Variants in MRPS28 observed in about 807,000 individuals in gnomAD.
MRPS28 encodes mitochondrial ribosomal protein S28.
A neutral mutation model predicts 10.8 loss-of-function variants in MRPS28; 7 were observed. The ratio of observed to expected loss-of-function variants is 0.65; its 90% CI spans 0.37 to 1.22. The LOEUF is 1.22. Among genes scored for constraint, MRPS28 ranks in the 50% most tolerant of loss-of-function variants. MRPS28 has a pLI of 0.02. For synonymous variants in MRPS28, 121 were observed against 93.3 expected (o/e 1.30, Z -1.71); for missense variants, 265 against 232.9 (o/e 1.14, Z -0.90).
At chr8:79,977,031 C>G (rs920258440) in intron 2 of MRPS28, among the ~76,000 whole-genome samples, 3 of 151,832 alleles carry the variant, frequency 2.0e-5, no homozygotes, top group African/African-American at 7.3e-5. Flanking sequence ...AACAGGAATG[C>G]CTGAAGAAAT....
chr8:79,974,412 C>T (rs1416619746), intron 2 of MRPS28, among the ~76,000 whole-genome samples: 2 of 151,622 alleles, frequency 1.3e-5, no homozygotes, highest in Admixed American at 6.6e-5. Context: ...TGGTGGTGGG[C>T]GCCTGTAGTC....
chr8:79,980,048 A>G (rs888059991), intron 2 of MRPS28, among the ~76,000 whole-genome samples: 1 of 151,816 alleles, frequency 6.6e-6, no homozygotes. Context: ...CACCTTCCTC[A>G]TCTATTAAAT....
At chr8:79,997,609 TG>T (rs1276243667) in intron 2 of MRPS28, among the ~76,000 whole-genome samples, 47 of 150,336 alleles carry the variant, frequency 3.1e-4, no homozygotes, top group Non-Finnish European at 1.5e-4. Flanking sequence ...GCAGCAGAGA[TG>T]GGGGAAAAAA....
intron 2 of MRPS28, chr8:79,957,218 G>A (rs868438752): frequency 6.6e-6 from 1 of 151,806 alleles, no homozygotes; most frequent in East Asian, 1.9e-4. Context: ...ATAATATCTT[G>A]GGGTAGAACA....
chr8:79,987,199 G>T (rs1808210949), intron 2 of MRPS28, among the ~76,000 whole-genome samples: 1 of 152,152 alleles, frequency 6.6e-6, no homozygotes, highest in African/African-American at 2.4e-5. Context: ...TTAATAAATG[G>T]TGTTGGGAAA....
At chr8:79,937,072 C>T (rs912273058) in intron 2 of MRPS28, among the ~76,000 whole-genome samples, 12 of 151,944 alleles carry the variant, frequency 7.9e-5, no homozygotes, top group Non-Finnish European at 2.9e-5. Context: ...TGTTGGCCAG[C>T]CTGGTCTCAA....
At chr8:79,924,888 A>C (rs921508246) in intron 2 of MRPS28, among the ~76,000 whole-genome samples, 7 of 152,174 alleles carry the variant, frequency 4.6e-5, no homozygotes, top group Non-Finnish European at 1.0e-4. Context: ...AGATGATCAT[A>C]AGCAGGTAAC....
intron 2 of MRPS28, among the ~76,000 whole-genome samples, chr8:79,963,291 CCTA>C (rs1394711687): frequency 6.6e-6 from 1 of 151,990 alleles, no homozygotes. Context: ...GTCTTCTTAG[CCTA>C]CTATGTATTT....
intron 2 of MRPS28, among the ~76,000 whole-genome samples, chr8:79,996,416 G>T (rs945531255): frequency 2.0e-5 from 3 of 152,194 alleles, no homozygotes; most frequent in South Asian, 2.1e-4. Flanking sequence ...CACCATAAAT[G>T]AGGGTATCTT....
intron 2 of MRPS28, among the ~76,000 whole-genome samples, chr8:79,957,546 CAAAA>C (rs35772888): frequency 1.2e-5 from 1 of 85,000 alleles, no homozygotes; most frequent in South Asian, 4.0e-4. Flanking sequence ...CTTGTCTCTA[CAAAA>C]AAAAAAAAAA....
At chr8:79,931,801 G>A (rs1285077043) in intron 2 of MRPS28, among the ~76,000 whole-genome samples, 1 of 152,206 alleles carries the variant, frequency 6.6e-6, no homozygotes, top group Admixed American at 6.5e-5. Flanking sequence ...GTTGGGAGTA[G>A]ACAATAGTTG....
At position 79,995,965 on chromosome 8, in the gene MRPS28, G is replaced by A. The variant is rs75049373; in HGVS notation, c.395+7034C>T. Among the ~76,000 whole-genome samples the A allele has an allele frequency of 6.4e-3, 971 of 152,232 alleles. 8 individuals are homozygous for A. Among genetic ancestry groups the A allele is most frequent in the African/African-American group, 0.022 (907 of 41,528 alleles). On this transcript the variant is annotated intron_variant, in intron 2 of 2. Coordinates refer to ENST00000276585, the MANE Select transcript of MRPS28 (RefSeq NM_014018.3). ...GAGATAACACAAAACTGCAGAACTG[G>A]AGGGTTATATGGTTATGCAGCAATA...
chr8:80,009,332 G>T (rs931241396), intron 1 of MRPS28, among the ~76,000 whole-genome samples: 7 of 151,952 alleles, frequency 4.6e-5, no homozygotes, highest in Non-Finnish European at 2.9e-5. Flanking sequence ...TGTAAATGAC[G>T]AGTTAATGGG....
chr8:79,957,727 T>C (rs1359393588), intron 2 of MRPS28: 5 of 151,928 alleles, frequency 3.3e-5, no homozygotes, highest in Admixed American at 1.3e-4. Context: ...TCAAAAACAA[T>C]AGCAACAACA....
At position 80,030,070 on chromosome 8, in the gene MRPS28, G is replaced by C; in HGVS notation, c.179C>G (p.Ser60Trp). The C allele has an allele frequency of 6.2e-7, 1 of 1,609,284 alleles. No homozygotes were observed. ...GGGCTCCACCTTCTGTAGAAGCTCC[G>C]AGTGCCGCTCCAACGCGCTCGCGAA... ...GGFASALERHSELLQKVEPLQ... is the reference protein window; with the variant it reads ...GGFASALERHWELLQKVEPLQ... The change falls in exon 1 of 3, where the codon TCG becomes TGG. Residue 60 changes from serine (S) to tryptophan (W), a missense_variant. Ser to Trp is a radical substitution (Grantham distance 177). Coordinates refer to ENST00000276585, the MANE Select transcript of MRPS28 (RefSeq NM_014018.3).
chr8:80,028,173 A>G (rs1809538000), intron 1 of MRPS28, among the ~76,000 whole-genome samples: 1 of 152,190 alleles, frequency 6.6e-6, no homozygotes, highest in Non-Finnish European at 1.5e-5. Flanking sequence ...CACTCTTACC[A>G]CAGTTAACTC....
At chr8:80,011,098 A>G (rs938821540) in intron 1 of MRPS28, among the ~76,000 whole-genome samples, 1 of 152,144 alleles carries the variant, frequency 6.6e-6, no homozygotes, top group Non-Finnish European at 1.5e-5. Flanking sequence ...GTAAAAGAGT[A>G]ATTCTAAGTA....
chr8:79,923,350 T>C (rs1357935739), intron 2 of MRPS28, among the ~76,000 whole-genome samples: 1 of 152,170 alleles, frequency 6.6e-6, no homozygotes, highest in Non-Finnish European at 1.5e-5. Context: ...GTAAACATAA[T>C]CCCTTTAGGA....
At chr8:79,945,456 C>T (rs1171903163) in intron 2 of MRPS28, among the ~76,000 whole-genome samples, 3 of 152,154 alleles carry the variant, frequency 2.0e-5, no homozygotes, top group Admixed American at 2.0e-4. Flanking sequence ...ACTGGCTTTA[C>T]ATCCAGAAGA....
Sources: gnomAD v4.1 joint callset for allele counts (sites outside exome capture counted in the v4.1 genomes callset) on GRCh38, gnomAD v4.1.1 for gene constraint, MANE v1.5 for transcripts, NCBI Gene and HGNC (gene_info 2026-07-23, HGNC 2026-07-21) for gene names.